Variants in CRADD observed in about 807,000 individuals in gnomAD.
CRADD encodes CARD and death domain containing adaptor protein.
A neutral mutation model predicts 15.5 loss-of-function variants in CRADD; 9 were observed. The observed-to-expected ratio is 0.58, with a 90% CI of 0.35 to 1.01. CRADD has a LOEUF of 1.01. CRADD is among the 50% of genes least tolerant of loss of function. The pLI is 0.02. For missense variants in CRADD, 227 were observed against 250.3 expected (o/e 0.91, Z 0.63); for synonymous variants, 118 against 107.6 (o/e 1.10, Z -0.60).
chr12:93,761,880 A>T (rs1249169010), intron 2 of CRADD, among the ~76,000 whole-genome samples: 1 of 152,218 alleles, frequency 6.6e-6, no homozygotes, highest in African/African-American at 2.4e-5. Context: ...GATTTTTCAG[A>T]AGAATCCTGC....
chr12:93,762,521 C>T (rs1956978383), intron 2 of CRADD, among the ~76,000 whole-genome samples: 1 of 152,158 alleles, frequency 6.6e-6, no homozygotes, highest in South Asian at 2.1e-4. Flanking sequence ...TAGGGCTTGC[C>T]TGGCAAATAT....
rs973319885 is a variant in CRADD, at chr12:93,849,970, G to A, written c.299G>A (p.Gly100Asp). 2.0e-5 allele frequency: 31 copies of A among 1,583,916 alleles called. No individual in the cohort carries two copies. The highest frequency in any genetic ancestry group is 2.3e-5 in the Non-Finnish European group (27 of 1,152,872). The change falls in exon 3 of 3, where the codon GGT (glycine) becomes GAT (aspartate). Residue 100 changes from glycine (G) to aspartate (D), a missense_variant and splice_region_variant. Physicochemically the swap from Gly to Asp is moderately conservative, Grantham distance 94. Transcript: ENST00000332896. The part of the protein sequence containing the change: ...REEAMTDLPA[G>D]DRLTGIPSHI... ...ACCGGGGTGTCTTTTTCCTCCTCAG[G>A]TGACAGATTGACTGGGATCCCCTCG... is the stretch of plus-strand genomic sequence containing the variant.
intron 2 of CRADD, among the ~76,000 whole-genome samples, chr12:93,837,138 G>C (rs962969839): frequency 1.3e-5 from 2 of 152,162 alleles, no homozygotes; most frequent in Admixed American, 1.3e-4. Flanking sequence ...ATGACAAATT[G>C]GTGGAGCTGT....
rs2137022073 is a variant in CRADD at position 93,824,051 on chromosome 12, C to T, written c.299-25919C>T. Among the ~76,000 whole-genome samples the T allele has an allele frequency of 6.6e-6, 1 of 152,140 alleles. No individual in the cohort carries two copies. Among genetic ancestry groups the T allele is most frequent in the East Asian group, 1.9e-4 (1 of 5,198 alleles). On this transcript the variant is annotated intron_variant, in intron 2 of 2. Transcript: ENST00000332896. The surrounding 1 kb of genome is among the most constrained non-coding windows in gnomAD (Gnocchi z 4.3). Reference sequence around the variant, plus strand: ...CCAGTGAATGGAAAGCTGCTTTTTACCGTGTTCCAAAACACTGGCTCCGTT... The same window carrying T: ...CCAGTGAATGGAAAGCTGCTTTTTATCGTGTTCCAAAACACTGGCTCCGTT...
chr12:93,679,198 A>G (rs1955230740), intron 2 of CRADD, 126 bp downstream of exon 2: 2 of 737,416 alleles, frequency 2.7e-6, no homozygotes, highest in Non-Finnish European at 4.4e-6. Flanking sequence ...CTGGAGTGCA[A>G]TGGTGTGATC....
chr12:93,863,783 C>T (rs1323958483), intron 2 of CRADD, among the ~76,000 whole-genome samples: 2 of 152,184 alleles, frequency 1.3e-5, no homozygotes, highest in African/African-American at 4.8e-5. Context: ...CTGCTGTATG[C>T]TTCACATGAG....
At chr12:93,887,153 G>A (rs1397881576) in intron 2 of CRADD, among the ~76,000 whole-genome samples, 2 of 152,344 alleles carry the variant, frequency 1.3e-5, no homozygotes, top group Non-Finnish European at 2.9e-5. Context: ...GAGAAAATCT[G>A]TGGGGAAATA....
intron 2 of CRADD, 109 bp downstream of exon 2, chr12:93,679,181 G>A (rs928214977): frequency 2.0e-5 from 18 of 882,182 alleles, no homozygotes; most frequent in Non-Finnish European, 2.6e-5. Flanking sequence ...TTGCTCTGTT[G>A]CCCAGGCTGG....
intron 2 of CRADD, chr12:93,714,483 G>C (rs913452133): frequency 6.6e-6 from 1 of 152,232 alleles, no homozygotes; most frequent in Admixed American, 6.5e-5. Flanking sequence ...GGTGAACAGT[G>C]TATCAGTTAG....
At chr12:93,710,639 C>T (rs576612800) in intron 2 of CRADD, among the ~76,000 whole-genome samples, 1 of 152,160 alleles carries the variant, frequency 6.6e-6, no homozygotes, top group African/African-American at 2.4e-5. Flanking sequence ...ACCACCATGC[C>T]TGGCCAGCTT....
intron 2 of CRADD, among the ~76,000 whole-genome samples, chr12:93,840,891 A>G (rs2137040002): frequency 6.6e-6 from 1 of 152,264 alleles, no homozygotes; most frequent in East Asian, 1.9e-4. Flanking sequence ...ACAGTATTGG[A>G]TCTTATACAG....
chr12:93,835,744 G>A (rs1392789899), intron 2 of CRADD, among the ~76,000 whole-genome samples: 1 of 151,936 alleles, frequency 6.6e-6, no homozygotes, highest in Non-Finnish European at 1.5e-5. Context: ...TAGATTTTTG[G>A]TTTTGGCCCA....
At chr12:93,815,765 C>T (rs1313948012) in intron 2 of CRADD, 2 of 152,180 alleles carry the variant, frequency 1.3e-5, no homozygotes, top group African/African-American at 4.8e-5. Context: ...GTCTTTCATG[C>T]ATTGTATTGC....
At chr12:93,703,324 G>C (rs966767480) in intron 2 of CRADD, among the ~76,000 whole-genome samples, 3 of 151,128 alleles carry the variant, frequency 2.0e-5, no homozygotes, top group Non-Finnish European at 4.4e-5. Context: ...CCTTGGTTCT[G>C]TGTTCTTGGG....
chr12:93,773,402 A>G (rs1957105818), intron 2 of CRADD, among the ~76,000 whole-genome samples: 1 of 152,110 alleles, frequency 6.6e-6, no homozygotes. Context: ...GTTTCCCTGC[A>G]CAAGCTCTCA....
At chr12:93,864,537 A>G (rs1404206051) in intron 2 of CRADD, among the ~76,000 whole-genome samples, 1 of 152,224 alleles carries the variant, frequency 6.6e-6, no homozygotes, top group African/African-American at 2.4e-5. Flanking sequence ...TGACAATGAC[A>G]GCATTCTTGA....
chr12:93,795,646 T>C (rs1435582623), intron 2 of CRADD, among the ~76,000 whole-genome samples: 1 of 152,242 alleles, frequency 6.6e-6, no homozygotes, highest in African/African-American at 2.4e-5. Context: ...CTTCTTATCT[T>C]TTCCCAACTA....
chr12:93,793,869 T>C (rs1162076488), intron 2 of CRADD, among the ~76,000 whole-genome samples: 1 of 152,140 alleles, frequency 6.6e-6, no homozygotes, highest in African/African-American at 2.4e-5. Context: ...ATTTCTCTGC[T>C]CTTGTTCACA....
At chr12:93,775,060 T>C (rs1263309417) in intron 2 of CRADD, among the ~76,000 whole-genome samples, 1 of 152,176 alleles carries the variant, frequency 6.6e-6, no homozygotes, top group Admixed American at 6.5e-5. Flanking sequence ...TGGATGTGCA[T>C]TGAGAAAAAT....
Sources: gnomAD v4.1 joint callset for allele counts (sites outside exome capture counted in the v4.1 genomes callset) on GRCh38, gnomAD v4.1.1 for gene constraint, Gnocchi (gnomAD v3.1) non-coding constraint, MANE v1.5 for transcripts, NCBI Gene and HGNC (gene_info 2026-07-23, HGNC 2026-07-21) for gene names.